Variants in KANK1 observed in about 807,000 individuals in gnomAD.
KANK1 encodes KN motif and ankyrin repeat domain-containing protein 1.
A neutral mutation model predicts 106.2 loss-of-function variants in KANK1; 109 were observed. The observed-to-expected ratio is 1.03, with a 90% CI of 0.88 to 1.20. KANK1 has a LOEUF of 1.20. Among genes scored for constraint, KANK1 ranks in the 50% most tolerant of loss-of-function variants. KANK1 has a pLI of 0.00. For synonymous variants in KANK1, 873 were observed against 652.2 expected, an observed-to-expected ratio of 1.34 and a Z score of -5.16; for missense variants, 2,399 against 1,710.7, an observed-to-expected ratio of 1.40 and a Z score of -7.10.
At chr9:659,028 C>T (rs1298249365) in intron 1 of KANK1, among the ~76,000 whole-genome samples, 1 of 152,178 alleles carries the variant, frequency 6.6e-6, no homozygotes, top group Non-Finnish European at 1.5e-5. Context: ...TCCTTCGTAG[C>T]ATTTAGCATA....
intron 3 of KANK1, among the ~76,000 whole-genome samples, chr9:719,034 A>G (rs1828563096): frequency 7.3e-6 from 1 of 136,604 alleles, no homozygotes; most frequent in Non-Finnish European, 1.5e-5. Flanking sequence ...ATCTCAGCTC[A>G]TCGCAACCTT....
chr9:614,069 G>A (rs1330112162), intron 1 of KANK1, among the ~76,000 whole-genome samples: 3 of 152,322 alleles, frequency 2.0e-5, no homozygotes, highest in Admixed American at 6.5e-5. Context: ...AAGTCGGCCA[G>A]CAGAGTGCTC....
chr9:599,769 G>T (rs184319111), intron 1 of KANK1, among the ~76,000 whole-genome samples: 2 of 151,758 alleles, frequency 1.3e-5, no homozygotes, highest in South Asian at 2.1e-4. Context: ...TTTCATATAC[G>T]CAGGTTCTTC....
chr9:631,510 C>T (rs915413844), intron 1 of KANK1, among the ~76,000 whole-genome samples: 1 of 150,076 alleles, frequency 6.7e-6, no homozygotes, highest in African/African-American at 2.5e-5. Flanking sequence ...CCCACTATAC[C>T]TGTGCACTGA....
chr9:498,132 A>G (rs970803486), intron 3 of KANK1, among the ~76,000 whole-genome samples: 1 of 152,186 alleles, frequency 6.6e-6, no homozygotes, highest in African/African-American at 2.4e-5. Context: ...CAACTTAATG[A>G]AAGAGGCACA....
intron 2 of KANK1, among the ~76,000 whole-genome samples, chr9:710,201 AACAT>A (rs1368800827): frequency 6.6e-6 from 1 of 152,158 alleles, no homozygotes; most frequent in Non-Finnish European, 1.5e-5. Flanking sequence ...CCCTGAATCT[AACAT>A]ACAGTTTTAA....
At chr9:564,872 C>A (rs1022005634) in intron 1 of KANK1, among the ~76,000 whole-genome samples, 1 of 152,232 alleles carries the variant, frequency 6.6e-6, no homozygotes, top group Non-Finnish European at 1.5e-5. Context: ...TTTTTGGCTT[C>A]TCTTGGGAAG....
chr9:711,529 G>C lies in KANK1; in HGVS notation c.763G>C (p.Val255Leu). ...AGGGATCTCCACCCCAGTGACCAAC[G>C]TGAGCCCCATGCACCTGCAGCACAT... ...SSGISTPVTN[V>L]SPMHLQHIRE... The change falls in exon 3 of 12, where the codon GTG becomes CTG. Residue 255 changes from valine (V) to leucine (L), a missense_variant. By Grantham distance (32) the Val-to-Leu change is conservative (BLOSUM62 1). Coordinates refer to ENST00000382297, the MANE Select transcript of KANK1 (RefSeq NM_015158.5). 1 of 1,613,796 alleles carries C rather than the reference G, an allele frequency of 6.2e-7. No homozygotes were observed. Among genetic ancestry groups the C allele is most frequent in the Non-Finnish European group, 8.5e-7 (1 of 1,179,880 alleles).
chr9:689,990 T>C (rs1052870690), intron 2 of KANK1, among the ~76,000 whole-genome samples: 8 of 151,892 alleles, frequency 5.3e-5, no homozygotes, highest in Non-Finnish European at 1.2e-4. Flanking sequence ...TATTGTTGTT[T>C]ATAAGAACTA....
At chr9:512,249 G>GTGTGTGTGTGTGTGTGTGTA (rs370159663) in intron 1 of KANK1, among the ~76,000 whole-genome samples, 226 of 149,616 alleles carry the variant, frequency 1.5e-3, no homozygotes, top group South Asian at 4.9e-3. Context: ...GTGTGTGTGT[G>GTGTGTGTGTGTGTGTGTGTA]TATGTATATA....
At chr9:727,081 T>G (rs1470174792) in intron 3 of KANK1, among the ~76,000 whole-genome samples, 1 of 152,256 alleles carries the variant, frequency 6.6e-6, no homozygotes, top group Non-Finnish European at 1.5e-5. Context: ...TCAAGATTTG[T>G]AATGGCCATA....
At chr9:528,621 T>C (rs1024466633) in intron 1 of KANK1, among the ~76,000 whole-genome samples, 1 of 151,808 alleles carries the variant, frequency 6.6e-6, no homozygotes, top group African/African-American at 2.4e-5. Context: ...CTCAAGTAGC[T>C]GCGTTACAGG....
intron 1 of KANK1, among the ~76,000 whole-genome samples, chr9:558,239 A>G (rs1215986300): frequency 1.3e-5 from 2 of 152,224 alleles, no homozygotes; most frequent in African/African-American, 4.8e-5. Context: ...ATCCAGAGAT[A>G]GCAAACTGCT....
intron 1 of KANK1, among the ~76,000 whole-genome samples, chr9:613,092 G>C (rs1830954256): frequency 1.3e-5 from 2 of 152,080 alleles, no homozygotes; most frequent in South Asian, 4.1e-4. Flanking sequence ...ATGGAGTAAA[G>C]ATAGAGGTAG....
At chr9:494,557 A>G (rs1311321668) in intron 3 of KANK1, among the ~76,000 whole-genome samples, 3 of 152,180 alleles carry the variant, frequency 2.0e-5, no homozygotes, top group Admixed American at 6.5e-5. Context: ...TTGTGCTACC[A>G]TCTTGGTCAT....
chr9:576,870 C>T lies in KANK1; in HGVS notation c.-84+72116C>T, dbSNP rs532233636. On this transcript the variant is annotated intron_variant, in intron 1 of 11. Coordinates refer to ENST00000382297, the MANE Select transcript of KANK1 (RefSeq NM_015158.5). ...ATTAACAGAAAGCTTGTATTGTGTC[C>T]GGAATTGGTTCCTTCAGGTGGTTTC... 2.1e-4 allele frequency among the ~76,000 whole-genome samples: 32 copies of T among 152,168 alleles called. No homozygotes were observed. In the East Asian group the frequency reaches 5.2e-3, roughly 25 times the overall value.
chr9:597,605 T>A (rs1271236404), intron 1 of KANK1, among the ~76,000 whole-genome samples: 1 of 151,768 alleles, frequency 6.6e-6, no homozygotes, highest in African/African-American at 2.4e-5. Flanking sequence ...ACTAGACCCT[T>A]AATAGATATG....
At chr9:545,685 C>T (rs1167167832) in intron 1 of KANK1, among the ~76,000 whole-genome samples, 1 of 147,172 alleles carries the variant, frequency 6.8e-6, no homozygotes, top group Non-Finnish European at 1.5e-5. Flanking sequence ...GGCAGCGTGA[C>T]AGCATATGGA....
intron 1 of KANK1, among the ~76,000 whole-genome samples, chr9:519,080 G>T (rs192276325): frequency 2.0e-5 from 3 of 151,580 alleles, no homozygotes; most frequent in Non-Finnish European, 2.9e-5. Flanking sequence ...AATAGAAACG[G>T]GGTTTCTCCA....
Sources: gnomAD v4.1 joint callset for allele counts (sites outside exome capture counted in the v4.1 genomes callset) on GRCh38, gnomAD v4.1.1 for gene constraint, MANE v1.5 for transcripts, NCBI Gene and HGNC (gene_info 2026-07-23, HGNC 2026-07-21) for gene names.